Variants in RHOBTB1 observed in about 807,000 individuals in gnomAD.
RHOBTB1 encodes the protein Rho related BTB domain containing 1, also known as rho-related BTB domain-containing protein 1.
In RHOBTB1, 40 loss-of-function variants were observed where a neutral mutation model predicts 71.6. That is an observed-to-expected ratio of 0.56 (90% CI 0.43 to 0.73). RHOBTB1 has a LOEUF of 0.73. Ranked by LOEUF, RHOBTB1 falls within the 30% of genes least tolerant of loss-of-function variation. The probability of loss-of-function intolerance (pLI) is 0.00; values close to 1 mark genes in which losing one functional copy is unlikely to be tolerated. For missense variants in RHOBTB1, 797 were observed against 894.0 expected, an observed-to-expected ratio of 0.89 and a Z score of 1.38; for synonymous variants, 319 against 334.9, an observed-to-expected ratio of 0.95 and a Z score of 0.52.
intron 2 of RHOBTB1, among the ~76,000 whole-genome samples, chr10:60,961,396 G>C (rs565948187): frequency 6.6e-6 from 1 of 152,054 alleles, no homozygotes; most frequent in South Asian, 2.1e-4. Flanking sequence ...CAAAAGGGGG[G>C]CAAATAACAC....
rs34517890 is a variant in RHOBTB1, at chr10:60,991,431, C to CTT, written c.-162-5488_-162-5487dup. Among the ~76,000 whole-genome samples the CTT allele has an allele frequency of 3.0e-3, 407 of 133,936 alleles. 4 individuals are homozygous for CTT. The highest frequency in any genetic ancestry group is 6.9e-3 in the South Asian group (28 of 4,058). 87.9% of individuals were successfully genotyped at this position (133,936 alleles called of 152,430 possible). A position where few individuals can be genotyped will look rare whatever the true frequency, so the allele number is the denominator to read the frequency against. The stretch of plus-strand genomic sequence containing the variant: ...CAGACAGTGTGGCCTTCCCTCAGTA[C>CTT]TTTTTTTTTTTTTTTTTGAGACAGA... On this transcript the variant is annotated intron_variant, in intron 1 of 11. Transcript: ENST00000357917.
intron 9 of RHOBTB1, among the ~76,000 whole-genome samples, chr10:60,873,303 A>G (rs915628495): frequency 6.6e-6 from 1 of 152,158 alleles, no homozygotes; most frequent in African/African-American, 2.4e-5. Context: ...GTGACTTCAT[A>G]TGTTATCATC....
At chr10:60,976,858 GTTTAATA>G (rs959613057) in intron 2 of RHOBTB1, among the ~76,000 whole-genome samples, 13 of 152,124 alleles carry the variant, frequency 8.5e-5, no homozygotes, top group African/African-American at 3.1e-4. Context: ...TTCAGAAAGA[GTTTAATA>G]TTTAACACAC....
chr10:60,948,474 C>T (rs2085307337), upstream of RHOBTB1, among the ~76,000 whole-genome samples: 2 of 152,262 alleles, frequency 1.3e-5, no homozygotes, highest in African/African-American at 4.8e-5. Flanking sequence ...GGTGCAGATG[C>T]CTCCTGGGGC....
intron 2 of RHOBTB1, among the ~76,000 whole-genome samples, chr10:60,966,668 T>C (rs1048948591): frequency 1.4e-4 from 21 of 151,980 alleles, no homozygotes; most frequent in Admixed American, 1.2e-3. Context: ...TTCTTTTTTT[T>C]TTGGTTCTTT....
chr10:60,879,275 C>A (rs757427907), intron 7 of RHOBTB1, among the ~76,000 whole-genome samples: 11 of 152,166 alleles, frequency 7.2e-5, no homozygotes, highest in Non-Finnish European at 1.5e-4. Flanking sequence ...AATAAAGCAT[C>A]ATATTTTATT....
At chr10:60,928,046 C>T (rs1260806327) in intron 2 of RHOBTB1, among the ~76,000 whole-genome samples, 1 of 150,060 alleles carries the variant, frequency 6.7e-6, no homozygotes, top group Non-Finnish European at 1.5e-5. Flanking sequence ...AAAGGATGTA[C>T]AAATAGCCAA....
intron 2 of RHOBTB1, among the ~76,000 whole-genome samples, chr10:60,941,109 A>T (rs2084880089): frequency 6.6e-6 from 1 of 152,210 alleles, no homozygotes. Flanking sequence ...ATGTGCTAGT[A>T]ATTACCAAGC....
intron 7 of RHOBTB1, among the ~76,000 whole-genome samples, chr10:60,880,217 G>GAC (rs2081262680): frequency 7.1e-6 from 1 of 140,766 alleles, no homozygotes. Flanking sequence ...GAGAGAGAGA[G>GAC]AGAGAGAGAG....
intron 2 of RHOBTB1, among the ~76,000 whole-genome samples, chr10:60,913,119 G>A (rs1216812827): frequency 6.6e-6 from 1 of 152,178 alleles, no homozygotes; most frequent in Non-Finnish European, 1.5e-5. Context: ...CATTGACAAG[G>A]ATATATAGAA....
chr10:60,952,362 C>T (rs1381837628), intron 2 of RHOBTB1, among the ~76,000 whole-genome samples: 8 of 152,158 alleles, frequency 5.3e-5, no homozygotes, highest in Non-Finnish European at 1.0e-4. Flanking sequence ...AAGATCACCA[C>T]CTGTCTTTTT....
At chr10:60,940,604 T>G (rs1251523939) in intron 2 of RHOBTB1, among the ~76,000 whole-genome samples, 1 of 152,208 alleles carries the variant, frequency 6.6e-6, no homozygotes, top group Non-Finnish European at 1.5e-5. Context: ...CTCACAATTT[T>G]GGGTTACCAT....
intron 2 of RHOBTB1, among the ~76,000 whole-genome samples, chr10:60,926,821 A>C (rs898649464): frequency 1.4e-4 from 21 of 152,232 alleles, no homozygotes; most frequent in Non-Finnish European, 2.8e-4. Context: ...ATCTGGAAGA[A>C]GACTAGCATG....
rs1589216971 is a variant in RHOBTB1 at position 60,893,247 on chromosome 10, T to C, written c.297-252A>G. Among the ~76,000 whole-genome samples, 3 of 152,298 alleles carry C rather than the reference T, an allele frequency of 2.0e-5. No individual in the cohort carries two copies. In the East Asian group the frequency reaches 5.8e-4, roughly 29 times the overall value. On this transcript the variant is annotated intron_variant, in intron 4 of 10. Coordinates refer to ENST00000337910, the MANE Select transcript of RHOBTB1 (RefSeq NM_014836.5). ...AATGCTGATGCATTGACGTTTCCGA[T>C]GAAGTTATTTTATGGTAGAGATGAT...
chr10:60,961,844 T>C (rs896200152), intron 2 of RHOBTB1, among the ~76,000 whole-genome samples: 2 of 150,114 alleles, frequency 1.3e-5, no homozygotes, highest in African/African-American at 4.9e-5. Flanking sequence ...AGTTTCCCTC[T>C]ATCACCCAGG....
rs2080764911 is a variant in RHOBTB1, at chr10:60,871,272, G to A, written c.*210C>T. The A allele has an allele frequency of 2.1e-6, 1 of 485,118 alleles. No homozygotes were observed. The highest frequency in any genetic ancestry group is 3.6e-6 in the Non-Finnish European group (1 of 278,654). 30.1% of individuals were successfully genotyped at this position (485,118 alleles called of 1,614,324 possible). The stretch of plus-strand genomic sequence containing the variant: ...CATATCAGTTTAAGGAATGCAGTGA[G>A]AGTCAGCTTCCCTTTTTGTCCAGGC... On this transcript the variant is annotated 3_prime_UTR_variant, in exon 11 of 11. Coordinates refer to ENST00000337910, the MANE Select transcript of RHOBTB1 (RefSeq NM_014836.5).
chr10:60,910,836 G>T (rs761667532), intron 4 of RHOBTB1, 51 bp downstream of exon 4: 3 of 1,389,934 alleles, frequency 2.2e-6, no homozygotes, highest in Non-Finnish European at 3.1e-6. Flanking sequence ...TGCTGGTTTT[G>T]AAAAGGAAAT....
intron 2 of RHOBTB1, among the ~76,000 whole-genome samples, chr10:60,924,133 A>G (rs2083725549): frequency 1.3e-5 from 2 of 152,340 alleles, no homozygotes; most frequent in South Asian, 2.1e-4. Flanking sequence ...AAATGTTTAC[A>G]TATCAATGAC....
In RHOBTB1 at chr10:60,870,254, A is replaced by C. The variant is rs993370450; in HGVS notation, c.*1228T>G. ...TTTAACACTGAAAACTCAGAATGAG[A>C]AAGAGTCAGAACGAACTCACAATAG... is the stretch of plus-strand genomic sequence containing the variant. On this transcript the variant is annotated 3_prime_UTR_variant, in exon 11 of 11. Coordinates refer to ENST00000337910, the MANE Select transcript of RHOBTB1 (RefSeq NM_014836.5). 7.2e-6 allele frequency: 1 copy of C among 139,014 alleles called. No individual in the cohort carries two copies. Among genetic ancestry groups the C allele is most frequent in the East Asian group, 1.9e-4 (1 of 5,190 alleles). 8.6% of individuals were successfully genotyped at this position (139,014 alleles called of 1,614,324 possible). A position where few individuals can be genotyped will look rare whatever the true frequency, so the allele number is the denominator to read the frequency against.
Sources: allele counts gnomAD v4.1 joint callset (sites outside exome capture counted in the v4.1 genomes callset), GRCh38; gene constraint gnomAD v4.1.1; transcripts MANE v1.5; gene names NCBI Gene and HGNC (gene_info 2026-07-23, HGNC 2026-07-21).